The following USP13 variants were observed in gnomAD, a reference collection of about 807,000 sequenced individuals.
USP13 encodes ubiquitin specific peptidase 13.
Under a neutral mutation model 107.8 loss-of-function variants are expected in USP13, and 68 were observed. The observed-to-expected ratio is 0.63, with a 90% CI of 0.52 to 0.77. USP13 has a LOEUF of 0.77. Ranked by LOEUF, USP13 falls within the 30% of genes least tolerant of loss-of-function variation. The pLI is 0.00. For synonymous variants in USP13, 377 were observed against 389.5 expected (o/e 0.97, Z 0.38); for missense variants, 945 against 1,093.3 (o/e 0.86, Z 1.91).
intron 1 of USP13, among the ~76,000 whole-genome samples, chr3:179,659,479 A>T (rs1055408340): frequency 5.3e-5 from 8 of 152,178 alleles, no homozygotes; most frequent in Non-Finnish European, 1.2e-4. Flanking sequence ...CTGTGTGTTA[A>T]TAAGCTCTTT....
At chr3:179,736,234 A>C (rs1027029809) in intron 10 of USP13, among the ~76,000 whole-genome samples, 1 of 152,182 alleles carries the variant, frequency 6.6e-6, no homozygotes, top group Non-Finnish European at 1.5e-5. Flanking sequence ...GTTTGCTCTA[A>C]AGATTGCTTC....
At position 179,761,258 on chromosome 3, in the gene USP13, A is replaced by G. The variant is rs1202021527; in HGVS notation, c.2092+3A>G. On this transcript the variant is annotated splice_donor_region_variant and intron_variant, in intron 17 of 20. Coordinates refer to ENST00000263966, the MANE Select transcript of USP13 (RefSeq NM_003940.3). ...CATTGTTCACATGGAAGAGCCAGGT[A>G]GGTGGCGAGAAAATGGAATGGCTTT... is the stretch of plus-strand genomic sequence containing the variant. 3.1e-6 allele frequency: 5 copies of G among 1,614,118 alleles called. No individual in the cohort carries two copies. The South Asian group carries it at 5.5e-5, about 18-fold the overall frequency.
At chr3:179,731,669 T>C (rs1005484799) in intron 10 of USP13, among the ~76,000 whole-genome samples, 3 of 152,184 alleles carry the variant, frequency 2.0e-5, no homozygotes, top group Non-Finnish European at 4.4e-5. Flanking sequence ...CTCCAGAGGG[T>C]ACTACTCATA....
chr3:179,764,183 CTGTGTGTG>C lies in USP13; in HGVS notation c.2259+40_2259+47del, dbSNP rs3222346. ...TACGAGCAACGGTGAGCATGAGAGA[CTGTGTGTG>C]TGTGTGTGTGTGTGTGTGTGTGTGA... On this transcript the variant is annotated intron_variant, in intron 18 of 20. Transcript: ENST00000263966. The C allele has an allele frequency of 1.2e-4, 174 of 1,447,800 alleles. 1 individual carries two copies. The highest frequency in any genetic ancestry group is 5.7e-4 in the Admixed American group (26 of 45,482). The allele number at this position is 1,447,800 out of a possible 1,614,324, so 89.7% of individuals were successfully genotyped here. A position where few individuals can be genotyped will look rare whatever the true frequency, so the allele number is the denominator to read the frequency against.
chr3:179,689,035 C>T (rs1160640625), intron 2 of USP13, among the ~76,000 whole-genome samples: 3 of 152,196 alleles, frequency 2.0e-5, no homozygotes, highest in African/African-American at 7.2e-5. Context: ...AAGGATGAGT[C>T]AGCCTTCAAA....
Position 179,653,458 on chromosome 3 carries a change from G to C in USP13, c.168+65G>C. On this transcript the variant is annotated intron_variant, in intron 1 of 20. Transcript: ENST00000263966. This position sits in a 1 kb window ranked among gnomAD's most constrained non-coding sequence, Gnocchi z 4.0. ...GCCTGCGGCACGTGAAGCCGGGGGA[G>C]AAGATGCGCAGTGGCGGCCGGGACC... 1 of 1,520,596 alleles carries C rather than the reference G, an allele frequency of 6.6e-7. No homozygotes were observed. Among genetic ancestry groups the C allele is most frequent in the East Asian group, 2.5e-5 (1 of 39,230 alleles). The allele number at this position is 1,520,596 out of a possible 1,614,324, so 94.2% of individuals were successfully genotyped here.
chr3:179,743,383 T>G (rs1461926871), intron 12 of USP13, among the ~76,000 whole-genome samples: 9 of 148,000 alleles, frequency 6.1e-5, no homozygotes, highest in African/African-American at 2.3e-4. Context: ...TTGTTTTTTG[T>G]TTTTTTTTTT....
chr3:179,751,324 G>A (rs1714602836), intron 13 of USP13, among the ~76,000 whole-genome samples: 1 of 152,142 alleles, frequency 6.6e-6, no homozygotes, highest in African/African-American at 2.4e-5. Context: ...AAACTTCAAG[G>A]CCCAGATTCA....
At chr3:179,665,576 T>C (rs1251140977) in intron 1 of USP13, among the ~76,000 whole-genome samples, 1 of 152,154 alleles carries the variant, frequency 6.6e-6, no homozygotes, top group Non-Finnish European at 1.5e-5. Flanking sequence ...GCAGCACTTA[T>C]AGGATATTTA....
Position 179,677,410 on chromosome 3 carries a change from G to A in USP13, c.169-4468G>A, listed in dbSNP as rs936603196. ...AGCCTGGCTAACATGGAGAAACCCC[G>A]TCTCTACTGAAAATACAACATTAGC... On this transcript the variant is annotated intron_variant, in intron 1 of 20. Transcript: ENST00000263966. 1.2e-4 allele frequency among the ~76,000 whole-genome samples: 18 copies of A among 151,772 alleles called. No homozygotes were observed. In the East Asian group the frequency reaches 1.6e-3, roughly 13 times the overall value.
chr3:179,653,502 G>C lies in USP13; in HGVS notation c.168+109G>C, dbSNP rs1026024685. The C allele has an allele frequency of 2.1e-6, 3 of 1,429,214 alleles. No homozygotes were observed. The highest frequency in any genetic ancestry group is 2.9e-5 in the African/African-American group (2 of 69,734). The allele number at this position is 1,429,214 out of a possible 1,614,324, so 88.5% of individuals were successfully genotyped here. Reference sequence around the variant, plus strand: ...CGGGACCTCTTCTCTTCCTCCGGGCGGCAGAGTTGGCTCAGGAACACTGCA... The same window carrying C: ...CGGGACCTCTTCTCTTCCTCCGGGCCGCAGAGTTGGCTCAGGAACACTGCA... On this transcript the variant is annotated intron_variant, in intron 1 of 20. Coordinates refer to ENST00000263966, the MANE Select transcript of USP13 (RefSeq NM_003940.3). The surrounding 1 kb of genome is among the most constrained non-coding windows in gnomAD (Gnocchi z 4.0).
chr3:179,708,183 G>T (rs1390287175), intron 5 of USP13, among the ~76,000 whole-genome samples: 10 of 152,154 alleles, frequency 6.6e-5, no homozygotes, highest in African/African-American at 2.4e-4. Context: ...TCCTCTCCTA[G>T]CCTGAAGTTT....
rs1491159368 is a variant in USP13 at position 179,694,800 on chromosome 3, A to AAAG, written c.355+4501_355+4502insGAA. Among the ~76,000 whole-genome samples the AAAG allele has an allele frequency of 7.5e-3, 261 of 34,646 alleles. 3 individuals are homozygous for AAAG. The highest frequency in any genetic ancestry group is 0.024 in the African/African-American group (256 of 10,750). 22.7% of individuals were successfully genotyped at this position (34,646 alleles called of 152,430 possible). A position where few individuals can be genotyped will look rare whatever the true frequency, so the allele number is the denominator to read the frequency against. On this transcript the variant is annotated intron_variant, in intron 3 of 20. Coordinates refer to ENST00000263966, the MANE Select transcript of USP13 (RefSeq NM_003940.3). ...TGGGCAAAGAGTGAAACTCCATCTCAAAAAAAAAAAAAAAAAAAAAAAAGA... is the reference window on the plus strand; with the variant it reads ...TGGGCAAAGAGTGAAACTCCATCTCAAAGAAAAAAAAAAAAAAAAAAAAAAAGA...
chr3:179,762,261 T>G (rs144409779), intron 17 of USP13, among the ~76,000 whole-genome samples: 1 of 152,368 alleles, frequency 6.6e-6, no homozygotes, highest in Non-Finnish European at 1.5e-5. Flanking sequence ...CATGTGTCAG[T>G]ACTTCATTCC....
intron 19 of USP13, among the ~76,000 whole-genome samples, chr3:179,778,762 G>T (rs567715627): frequency 6.6e-6 from 1 of 150,416 alleles, no homozygotes; most frequent in Admixed American, 6.6e-5. Context: ...GCAAAACTCC[G>T]TCTCAAAGAA....
chr3:179,773,007 CT>C (rs1419968474), intron 19 of USP13, among the ~76,000 whole-genome samples: 1 of 152,164 alleles, frequency 6.6e-6, no homozygotes, highest in Non-Finnish European at 1.5e-5. Flanking sequence ...GGAAATCAAG[CT>C]GTTGGAGAGA....
At chr3:179,677,077 C>G (rs1189115402) in intron 1 of USP13, among the ~76,000 whole-genome samples, 1 of 151,778 alleles carries the variant, frequency 6.6e-6, no homozygotes, top group Non-Finnish European at 1.5e-5. Flanking sequence ...AGGCTGGTCT[C>G]GAACTCCTGA....
intron 1 of USP13, among the ~76,000 whole-genome samples, chr3:179,675,046 G>T (rs747499655): frequency 6.6e-6 from 1 of 151,864 alleles, no homozygotes; most frequent in East Asian, 1.9e-4. Flanking sequence ...ATGGTGGCGG[G>T]CGCCTGTAGT....
rs1712860988 is a variant in USP13 at position 179,709,898 on chromosome 3, C to G, written c.805+941C>G. ...GTTATTTTTCGATGATGGAATTAGC[C>G]TGCTTCAGAGTTAATTGCCCAAGAT... On this transcript the variant is annotated intron_variant, in intron 6 of 20. Transcript: ENST00000263966. 2.6e-5 allele frequency among the ~76,000 whole-genome samples: 4 copies of G among 152,076 alleles called. No individual in the cohort carries two copies. The South Asian group carries it at 8.3e-4, about 32-fold the overall frequency.
Sources: gnomAD v4.1 joint callset for allele counts (sites outside exome capture counted in the v4.1 genomes callset) on GRCh38, gnomAD v4.1.1 for gene constraint, Gnocchi (gnomAD v3.1) non-coding constraint, MANE v1.5 for transcripts, NCBI Gene and HGNC (gene_info 2026-07-23, HGNC 2026-07-21) for gene names.